HNRNPUL2: variants seen among roughly 807,000 people sequenced by gnomAD.
HNRNPUL2 encodes heterogeneous nuclear ribonucleoprotein U like 2.
HNRNPUL2 carries 27 observed loss-of-function variants against 102.2 expected under a neutral mutation model. That is an observed-to-expected ratio of 0.26 (90% CI 0.19 to 0.36). The LOEUF (loss-of-function observed/expected upper bound fraction) is 0.36. HNRNPUL2 is among the 10% of genes least tolerant of loss of function. The probability of loss-of-function intolerance (pLI) is 1.00; values close to 1 mark genes in which losing one functional copy is unlikely to be tolerated. For synonymous variants in HNRNPUL2, 458 were observed against 387.2 expected (o/e 1.18, Z -2.15); for missense variants, 936 against 981.1 (o/e 0.95, Z 0.61).
Position 62,726,926 on chromosome 11 carries a change from C to G in HNRNPUL2, c.231G>C (p.Glu77Asp), listed in dbSNP as rs775671185. The G allele has an allele frequency of 8.6e-6, 13 of 1,519,030 alleles. No individual in the cohort carries two copies. The highest frequency in any genetic ancestry group is 1.4e-5 in the African/African-American group (1 of 69,752). 94.1% of individuals were successfully genotyped at this position (1,519,030 alleles called of 1,614,324 possible). Residue 77 changes from glutamate to aspartate, a missense_variant, in exon 1 of 14, where the codon GAG (glutamate) becomes GAC (aspartate). By Grantham distance (45) the Glu-to-Asp change is conservative. Transcript: ENST00000301785. ...CGTCCTCCTCCTCCTCCTCTTCGTCCTCCTCCTCGTCCCCGCCCGGGCCGC... is the reference window on the plus strand; with the variant it reads ...CGTCCTCCTCCTCCTCCTCTTCGTCGTCCTCCTCGTCCCCGCCCGGGCCGC... Reference protein sequence around the residue: ...SGGGPGGDEEEDEEEEEEDEE... With the variant: ...SGGGPGGDEEDDEEEEEEDEE...
At chr11:62,716,845 C>G (rs1169300101) in intron 11 of HNRNPUL2, 144 bp downstream of exon 11, 2 of 687,784 alleles carry the variant, frequency 2.9e-6, no homozygotes, top group Non-Finnish European at 4.9e-6. Context: ...ATAAAGAACA[C>G]AGGAAGAAAT....
chr11:62,716,895 T>C lies in HNRNPUL2; in HGVS notation c.1981+94A>G, dbSNP rs2134769279. ...AGGCACTTCCGTATTGTTAATGACC[T>C]GACTTGGTTTCCTTGGCCTTCCCTT... On this transcript the variant is annotated intron_variant, in intron 11 of 13. Coordinates refer to ENST00000301785, the MANE Select transcript of HNRNPUL2 (RefSeq NM_001079559.3). 4.6e-6 allele frequency: 6 copies of C among 1,300,004 alleles called. No homozygotes were observed. The East Asian group carries it at 6.9e-5, about 15-fold the overall frequency. The allele number at this position is 1,300,004 out of a possible 1,614,324, so 80.5% of individuals were successfully genotyped here.
In HNRNPUL2 at chr11:62,712,677, G is replaced by T. The variant is rs1156644815; in HGVS notation, c.*2622C>A. 2 of 152,168 alleles carry T rather than the reference G, an allele frequency of 1.3e-5. No individual in the cohort carries two copies. The highest frequency in any genetic ancestry group is 2.9e-5 in the Non-Finnish European group (2 of 68,030). 9.4% of individuals were successfully genotyped at this position (152,168 alleles called of 1,614,324 possible). ...TTATTCTAAAACTGGAAGCTACTTTGCCTACATTTTCGCCAGAATGGTGTA... is the reference window on the plus strand; with the variant it reads ...TTATTCTAAAACTGGAAGCTACTTTTCCTACATTTTCGCCAGAATGGTGTA... On this transcript the variant is annotated 3_prime_UTR_variant, in exon 14 of 14. Transcript: ENST00000301785.
intron 9 of HNRNPUL2, among the ~76,000 whole-genome samples, chr11:62,721,091 G>A (rs931924989): frequency 2.0e-5 from 3 of 152,066 alleles, no homozygotes; most frequent in East Asian, 3.8e-4. Flanking sequence ...TCTTTCCATT[G>A]TCTTTATTAC....
At chr11:62,721,692 T>C (rs916219873) in intron 8 of HNRNPUL2, 128 bp downstream of exon 8, 12 of 1,173,910 alleles carry the variant, frequency 1.0e-5, no homozygotes, top group African/African-American at 6.1e-5. Flanking sequence ...CTAAAACGCA[T>C]AGAGAAAAAT....
In HNRNPUL2 at chr11:62,712,774, A is replaced by AC. The variant is rs1250110345; in HGVS notation, c.*2524dup. ...TTACATTTTTTTTTTAAATGGTAAA[A>AC]CCCCTTTTTACTGGCCACTTCCAAG... On this transcript the variant is annotated 3_prime_UTR_variant, in exon 14 of 14. Coordinates refer to ENST00000301785, the MANE Select transcript of HNRNPUL2 (RefSeq NM_001079559.3). 6.6e-6 allele frequency: 1 copy of AC among 152,104 alleles called. No homozygotes were observed. Among genetic ancestry groups the AC allele is most frequent in the Admixed American group, 6.6e-5 (1 of 15,250 alleles). The allele number at this position is 152,104 out of a possible 1,614,324, so 9.4% of individuals were successfully genotyped here.
rs59226130 is a variant in HNRNPUL2 at position 62,714,137 on chromosome 11, A to ACCCC, written c.*1158_*1161dup. 8.0e-5 allele frequency: 7 copies of ACCCC among 87,950 alleles called. No homozygotes were observed. The highest frequency in any genetic ancestry group is 4.2e-4 in the South Asian group (1 of 2,386). 5.4% of individuals were successfully genotyped at this position (87,950 alleles called of 1,614,324 possible). ...CAGCAGCCCCACTGAGCTGCCTCCC[A>ACCCC]CCCCCCCCCACCACCCTCCCCTCTT... On this transcript the variant is annotated 3_prime_UTR_variant, in exon 14 of 14. Transcript: ENST00000301785.
intron 1 of HNRNPUL2, 131 bp downstream of exon 1, chr11:62,726,488 G>T: frequency 1.1e-6 from 1 of 922,406 alleles, no homozygotes; most frequent in Non-Finnish European, 1.6e-6. Flanking sequence ...GGTAGAGAAT[G>T]AAAGGAGTTC....
rs1336970512 is a variant in HNRNPUL2 at position 62,714,761 on chromosome 11, GTGAT to G, written c.*534_*537del. Reference sequence around the variant, plus strand: ...AAATACAAACGGTTAGTTGGTGCAAGTGATTGATAAGAGCCAATCGTTTATTTTC... The same window carrying G: ...AAATACAAACGGTTAGTTGGTGCAAGTGATAAGAGCCAATCGTTTATTTTC... On this transcript the variant is annotated 3_prime_UTR_variant, in exon 14 of 14. Transcript: ENST00000301785. 2 of 153,204 alleles carry G rather than the reference GTGAT, an allele frequency of 1.3e-5. No homozygotes were observed. Among genetic ancestry groups the G allele is most frequent in the African/African-American group, 4.8e-5 (2 of 41,448 alleles). 9.5% of individuals were successfully genotyped at this position (153,204 alleles called of 1,614,324 possible).
Position 62,717,109 on chromosome 11 carries a change from T to C in HNRNPUL2, c.1861A>G (p.Ile621Val), listed in dbSNP as rs758200273. Residue 621 changes from isoleucine (I) to valine (V), a missense_variant, in exon 11 of 14, where the codon ATT (isoleucine) becomes GTT (valine). Ile to Val is a conservative substitution (Grantham distance 29). Around this residue, in one of 2 missense-constraint regions of HNRNPUL2, gnomAD observed 609 missense variants for 713.0 expected, o/e 0.85. Coordinates refer to ENST00000301785, the MANE Select transcript of HNRNPUL2 (RefSeq NM_001079559.3). ...GCCTCCTCCTTGTACTTAGTGACAA[T>C]GGGCTGAGCTTCCTCCTTCTCCAGC... is the stretch of plus-strand genomic sequence containing the variant. ...GELEKEEAQP[I>V]VTKYKEEARK... The C allele has an allele frequency of 1.5e-5, 24 of 1,614,190 alleles. No individual in the cohort carries two copies. Among genetic ancestry groups the C allele is most frequent in the Non-Finnish European group, 1.8e-5 (21 of 1,180,024 alleles).
chr11:62,726,789 G>A lies in HNRNPUL2; in HGVS notation c.368C>T (p.Ala123Val), dbSNP rs765825881. The part of the protein sequence containing the change: ...PPEAAAMEAA[A>V]EPDASEKPAE... ...CGGCTTCTCGGAAGCATCTGGCTCG[G>A]CCGCGGCCTCCATGGCTGCCGCCTC... The change falls in exon 1 of 14, where the codon GCC becomes GTC. Residue 123 changes from alanine (A) to valine (V), a missense_variant. This residue lies in a region of HNRNPUL2 where 327 missense variants were observed against 268.1 expected (regional missense o/e 1.22). Coordinates refer to ENST00000301785, the MANE Select transcript of HNRNPUL2 (RefSeq NM_001079559.3). The A allele has an allele frequency of 5.0e-6, 8 of 1,599,418 alleles. No homozygotes were observed. The highest frequency in any genetic ancestry group is 6.8e-6 in the Non-Finnish European group (8 of 1,178,926).
At chr11:62,720,214 A>G in intron 9 of HNRNPUL2, 23 bp from the exon 10 acceptor site, 1 of 1,607,628 alleles carries the variant, frequency 6.2e-7, no homozygotes, top group Non-Finnish European at 8.5e-7. Flanking sequence ...GGAATAACTG[A>G]TGTTTAGGAA....
At position 62,717,432 on chromosome 11, in the gene HNRNPUL2, T is replaced by C. The variant is rs183896118; in HGVS notation, c.1781-243A>G. On this transcript the variant is annotated intron_variant, in intron 10 of 13. Coordinates refer to ENST00000301785, the MANE Select transcript of HNRNPUL2 (RefSeq NM_001079559.3). Reference sequence around the variant, plus strand: ...TAGATTTACAAGTTCTTAAGTGATCTATAATAAATTAGGAGTGAACTGGGT... The same window carrying C: ...TAGATTTACAAGTTCTTAAGTGATCCATAATAAATTAGGAGTGAACTGGGT... 2.0e-5 allele frequency among the ~76,000 whole-genome samples: 3 copies of C among 152,366 alleles called. No individual in the cohort carries two copies. The East Asian group carries it at 5.8e-4, about 29-fold the overall frequency.
Position 62,715,530 on chromosome 11 carries a change from G to C in HNRNPUL2, c.2133C>G (p.Tyr711Ter). The C allele has an allele frequency of 6.2e-7, 1 of 1,612,284 alleles. No homozygotes were observed. Among genetic ancestry groups the C allele is most frequent in the Non-Finnish European group, 8.5e-7 (1 of 1,178,612 alleles). The change falls in exon 13 of 14, where the codon TAC becomes TAG. Residue 711 changes from tyrosine to a stop codon, truncating the protein, a stop_gained. Coordinates refer to ENST00000301785, the MANE Select transcript of HNRNPUL2 (RefSeq NM_001079559.3). LOFTEE classifies it high-confidence loss of function. ...GATTGTATTGTCTGTAATAGTCTCT[G>C]TATCTGTTGTACTCATAATCTCGCC... ...FYGRDYEYNRYRDYYRQYNRD... is the reference protein window; with the variant it reads ...FYGRDYEYNR
At chr11:62,726,593 G>C (rs757160418) in intron 1 of HNRNPUL2, 26 bp downstream of exon 1, 24 of 1,508,968 alleles carry the variant, frequency 1.6e-5, no homozygotes, top group Non-Finnish European at 2.1e-5. Flanking sequence ...GCAGGTTGGA[G>C]CCGGGCTCGG....
At chr11:62,726,581 C>T in intron 1 of HNRNPUL2, 38 bp downstream of exon 1, 1 of 1,486,798 alleles carries the variant, frequency 6.7e-7, no homozygotes, top group South Asian at 1.3e-5. Context: ...GGGGCGCAGC[C>T]GGCAGGTTGG....
chr11:62,715,889 T>G lies in HNRNPUL2; in HGVS notation c.2030A>C (p.Tyr677Ser), dbSNP rs2083656429. The change falls in exon 12 of 14, where the codon TAC (tyrosine) becomes TCC (serine). Residue 677 changes from tyrosine (Y) to serine (S), a missense_variant. By Grantham distance (144) the Tyr-to-Ser change is moderately radical. Coordinates refer to ENST00000301785, the MANE Select transcript of HNRNPUL2 (RefSeq NM_001079559.3). ...CCCTCTGTTTCCAGGCTGCCCCCAGTACTGCTGCCCGTAGGCCCGGTTGTC... is the reference window on the plus strand; with the variant it reads ...CCCTCTGTTTCCAGGCTGCCCCCAGGACTGCTGCCCGTAGGCCCGGTTGTC... Reference protein sequence around the residue: ...GYDNRAYGQQYWGQPGNRGGY... With the variant: ...GYDNRAYGQQSWGQPGNRGGY... 6.2e-7 allele frequency: 1 copy of G among 1,613,698 alleles called. No individual in the cohort carries two copies. Among genetic ancestry groups the G allele is most frequent in the Non-Finnish European group, 8.5e-7 (1 of 1,179,896 alleles).
rs2083633237 is a variant in HNRNPUL2, at chr11:62,713,311, T to C, written c.*1988A>G. 1 of 152,234 alleles carries C rather than the reference T, an allele frequency of 6.6e-6. No homozygotes were observed. Among genetic ancestry groups the C allele is most frequent in the South Asian group, 2.1e-4 (1 of 4,834 alleles). 9.4% of individuals were successfully genotyped at this position (152,234 alleles called of 1,614,324 possible). Reference sequence around the variant, plus strand: ...CTGCCTCAGGAAATTCAATTTTCTATTATAACATAATCTTGCCCTAAGGGA... The same window carrying C: ...CTGCCTCAGGAAATTCAATTTTCTACTATAACATAATCTTGCCCTAAGGGA... On this transcript the variant is annotated 3_prime_UTR_variant, in exon 14 of 14. Transcript: ENST00000301785.
At position 62,727,249 on chromosome 11, in the gene HNRNPUL2, T is replaced by C. The variant is rs1028888271; in HGVS notation, c.-93A>G. The C allele has an allele frequency of 4.3e-5, 53 of 1,227,284 alleles. No homozygotes were observed. The African/African-American group carries it at 5.7e-4, about 13-fold the overall frequency. The allele number at this position is 1,227,284 out of a possible 1,614,324, so 76.0% of individuals were successfully genotyped here. A position where few individuals can be genotyped will look rare whatever the true frequency, so the allele number is the denominator to read the frequency against. ...GCAGGCGCCGCCGCCGCCGCCCGCC[T>C]CCGCCTCACGCGCCAGCACTGAGCC... On this transcript the variant is annotated 5_prime_UTR_variant, in exon 1 of 14. Transcript: ENST00000301785.
Sources: gnomAD v4.1 joint callset for allele counts (sites outside exome capture counted in the v4.1 genomes callset) on GRCh38, gnomAD v4.1.1 for gene constraint, gnomAD v4.1.1 regional missense constraint, MANE v1.5 for transcripts, NCBI Gene and HGNC (gene_info 2026-07-23, HGNC 2026-07-21) for gene names.